Variants in NEGR1 observed in about 807,000 individuals in gnomAD.
NEGR1 encodes the protein neuronal growth regulator 1.
Under a neutral mutation model 40.9 loss-of-function variants are expected in NEGR1, and 10 were observed. The observed-to-expected ratio is 0.24, with a 90% CI of 0.15 to 0.42. The LOEUF (loss-of-function observed/expected upper bound fraction) is 0.42. Ranked by LOEUF, NEGR1 falls within the 10% of genes least tolerant of loss-of-function variation. The probability of loss-of-function intolerance (pLI) is 1.00; values close to 1 mark genes in which losing one functional copy is unlikely to be tolerated. For missense variants in NEGR1, 352 were observed against 438.9 expected, an observed-to-expected ratio of 0.80 and a Z score of 1.77; for synonymous variants, 185 against 166.8, an observed-to-expected ratio of 1.11 and a Z score of -0.84.
chr1:72,206,799 T>C (rs576148390), intron 1 of NEGR1, among the ~76,000 whole-genome samples: 28 of 152,120 alleles, frequency 1.8e-4, no homozygotes, highest in African/African-American at 6.7e-4. Flanking sequence ...TTTCAGAAAG[T>C]CCTAAAGAAG....
At chr1:72,256,457 G>C (rs187731666) in intron 1 of NEGR1, among the ~76,000 whole-genome samples, 1 of 152,254 alleles carries the variant, frequency 6.6e-6, no homozygotes, top group Non-Finnish European at 1.5e-5. Context: ...GTTTATTTGT[G>C]TATCAAGTTT....
At chr1:71,545,111 C>T (rs142485699) in intron 6 of NEGR1, among the ~76,000 whole-genome samples, 3 of 151,642 alleles carry the variant, frequency 2.0e-5, no homozygotes, top group Admixed American at 6.6e-5. Context: ...TGCCCCCCAA[C>T]CAAAAACAAC....
intron 2 of NEGR1, among the ~76,000 whole-genome samples, chr1:71,933,194 T>A (rs1016020907): frequency 3.9e-4 from 60 of 151,992 alleles, no homozygotes; most frequent in African/African-American, 1.3e-3. Flanking sequence ...AGTACTATAG[T>A]AAGACATGTA....
intron 3 of NEGR1, among the ~76,000 whole-genome samples, chr1:71,721,939 T>TA (rs1159907136): frequency 6.6e-6 from 1 of 151,876 alleles, no homozygotes; most frequent in African/African-American, 2.4e-5. Flanking sequence ...AGAATAAGAA[T>TA]AAAAAGACTG....
intron 3 of NEGR1, among the ~76,000 whole-genome samples, chr1:71,775,540 T>C (rs1656474228): frequency 6.6e-6 from 1 of 151,816 alleles, no homozygotes; most frequent in South Asian, 2.1e-4. Context: ...GAGATGGGGT[T>C]TCACCATGAC....
chr1:71,415,403 T>A (rs1646348932), intron 6 of NEGR1, among the ~76,000 whole-genome samples: 1 of 152,060 alleles, frequency 6.6e-6, no homozygotes, highest in South Asian at 2.1e-4. Flanking sequence ...GCTTGCTGAA[T>A]AACCATTTTG....
At chr1:72,020,891 G>C (rs189799003) in intron 1 of NEGR1, among the ~76,000 whole-genome samples, 64 of 152,246 alleles carry the variant, frequency 4.2e-4, no homozygotes, top group Non-Finnish European at 1.9e-4. Context: ...GTAATTGTTA[G>C]ATTAAGCAGA....
chr1:71,599,740 T>G (rs889525440), intron 5 of NEGR1, among the ~76,000 whole-genome samples: 1 of 152,250 alleles, frequency 6.6e-6, no homozygotes. Flanking sequence ...ATGTCTTATT[T>G]ACTTTATCAA....
chr1:71,663,884 T>A (rs947306861), intron 4 of NEGR1, among the ~76,000 whole-genome samples: 1 of 152,206 alleles, frequency 6.6e-6, no homozygotes, highest in African/African-American at 2.4e-5. Flanking sequence ...TTCTCAGACT[T>A]CTCTCTTGAA....
At chr1:72,024,025 T>C (rs893745648) in intron 1 of NEGR1, among the ~76,000 whole-genome samples, 1 of 152,104 alleles carries the variant, frequency 6.6e-6, no homozygotes, top group Middle Eastern at 3.2e-3. Context: ...TAAGCTATCA[T>C]ATTTCCAAAG....
intron 4 of NEGR1, among the ~76,000 whole-genome samples, chr1:71,649,190 A>C (rs1456974380): frequency 6.6e-6 from 1 of 152,136 alleles, no homozygotes; most frequent in African/African-American, 2.4e-5. Flanking sequence ...TTAGGAAATG[A>C]TAATATGCAG....
intron 2 of NEGR1, among the ~76,000 whole-genome samples, chr1:71,888,341 C>T (rs1471420828): frequency 2.0e-5 from 3 of 151,902 alleles, no homozygotes; most frequent in Non-Finnish European, 4.4e-5. Context: ...AGACAGTGGG[C>T]GCAGGCCAGT....
intron 1 of NEGR1, among the ~76,000 whole-genome samples, chr1:72,081,214 C>T (rs1391489475): frequency 6.6e-6 from 1 of 152,020 alleles, no homozygotes; most frequent in Non-Finnish European, 1.5e-5. Context: ...AAATTCAGTA[C>T]ATCCTAGAGA....
intron 6 of NEGR1, among the ~76,000 whole-genome samples, chr1:71,500,742 C>T (rs1646993432): frequency 6.6e-6 from 1 of 151,926 alleles, no homozygotes; most frequent in Admixed American, 6.6e-5. Context: ...GCTCAAGTCC[C>T]TTATATAAAA....
intron 4 of NEGR1, among the ~76,000 whole-genome samples, chr1:71,621,093 G>A (rs1161161599): frequency 1.3e-5 from 2 of 151,894 alleles, no homozygotes; most frequent in Non-Finnish European, 2.9e-5. Flanking sequence ...TTAAGGGCAT[G>A]GAATCATGAT....
At chr1:71,521,746 T>C (rs1373496730) in intron 6 of NEGR1, among the ~76,000 whole-genome samples, 1 of 152,010 alleles carries the variant, frequency 6.6e-6, no homozygotes, top group Non-Finnish European at 1.5e-5. Flanking sequence ...AATAATAGTC[T>C]GATGAAATAT....
At chr1:71,923,225 G>A (rs1280435682) in intron 2 of NEGR1, among the ~76,000 whole-genome samples, 2 of 152,042 alleles carry the variant, frequency 1.3e-5, no homozygotes, top group African/African-American at 4.8e-5. Context: ...TAAAGCATTT[G>A]TCTTCTATTC....
At position 71,761,316 on chromosome 1, in the gene NEGR1, G is replaced by C. The variant is rs576083827; in HGVS notation, c.535+14856C>G. Among the ~76,000 whole-genome samples, 279 of 152,244 alleles carry C rather than the reference G, an allele frequency of 1.8e-3. 2 individuals are homozygous for C. The highest frequency in any genetic ancestry group is 6.5e-3 in the African/African-American group (270 of 41,566). On this transcript the variant is annotated intron_variant, in intron 3 of 6. Coordinates refer to ENST00000357731, the MANE Select transcript of NEGR1 (RefSeq NM_173808.3). ...CAATATATAAAGGAATGAGCATGGT[G>C]ATGTTCAGTAATCTTTACTTACAAA...
intron 3 of NEGR1, among the ~76,000 whole-genome samples, chr1:71,712,290 T>C (rs1654124823): frequency 6.6e-6 from 1 of 152,246 alleles, no homozygotes; most frequent in Non-Finnish European, 1.5e-5. Flanking sequence ...CAGTTTTTCC[T>C]AAGAAACCAC....
Sources: gnomAD v4.1 joint callset for allele counts (sites outside exome capture counted in the v4.1 genomes callset) on GRCh38, gnomAD v4.1.1 for gene constraint, MANE v1.5 for transcripts, NCBI Gene and HGNC (gene_info 2026-07-23, HGNC 2026-07-21) for gene names.